The following ATF7IP2 variants were observed in gnomAD, a reference collection of about 807,000 sequenced individuals.
ATF7IP2 encodes the protein activating transcription factor 7 interacting protein 2.
Under a neutral mutation model 64.2 loss-of-function variants are expected in ATF7IP2, and 42 were observed. That is an observed-to-expected ratio of 0.65 (90% CI 0.51 to 0.85). The LOEUF (loss-of-function observed/expected upper bound fraction) is 0.85, where lower values mean the gene tolerates loss of function less well. Ranked by LOEUF, ATF7IP2 falls within the 40% of genes least tolerant of loss-of-function variation. The pLI is 0.00. For synonymous variants in ATF7IP2, 308 were observed against 272.8 expected (o/e 1.13, Z -1.27); for missense variants, 933 against 784.2 (o/e 1.19, Z -2.27).
chr16:10,466,382 G>C (rs910569569), intron 9 of ATF7IP2, among the ~76,000 whole-genome samples: 1 of 152,108 alleles, frequency 6.6e-6, no homozygotes, highest in Non-Finnish European at 1.5e-5. Flanking sequence ...ACTTCTGTTG[G>C]ACATATGCCT....
intron 9 of ATF7IP2, among the ~76,000 whole-genome samples, chr16:10,471,689 T>G (rs921246432): frequency 2.0e-5 from 3 of 152,162 alleles, no homozygotes; most frequent in African/African-American, 7.2e-5. Context: ...TTAAAATAAT[T>G]TTCTTTGTTA....
intron 8 of ATF7IP2, among the ~76,000 whole-genome samples, chr16:10,443,164 C>G (rs567821891): frequency 1.3e-5 from 2 of 152,136 alleles, no homozygotes; most frequent in Non-Finnish European, 2.9e-5. Flanking sequence ...CACATCCACT[C>G]GAGGATGAGT....
intron 1 of ATF7IP2, among the ~76,000 whole-genome samples, chr16:10,406,137 A>G (rs1168036367): frequency 6.6e-6 from 1 of 151,930 alleles, no homozygotes; most frequent in Non-Finnish European, 1.5e-5. Context: ...AGAATATTTT[A>G]CTCTGTCACT....
chr16:10,402,418 T>G (rs2047553241), intron 1 of ATF7IP2, among the ~76,000 whole-genome samples: 3 of 152,210 alleles, frequency 2.0e-5, no homozygotes, highest in African/African-American at 7.2e-5. Flanking sequence ...CTAGTTTTAT[T>G]CTGCTGTGGT....
At chr16:10,473,860 A>G in intron 11 of ATF7IP2, 63 bp from the exon 12 acceptor site, 4 of 1,116,732 alleles carry the variant, frequency 3.6e-6, no homozygotes, top group Non-Finnish European at 5.1e-6. Flanking sequence ...ATGGTTTTAA[A>G]TTTTTAAAAA....
At chr16:10,469,355 G>A (rs2049702370) in intron 9 of ATF7IP2, among the ~76,000 whole-genome samples, 2 of 152,102 alleles carry the variant, frequency 1.3e-5, no homozygotes, top group African/African-American at 2.4e-5. Context: ...CATTATTGGA[G>A]TATCACTAAG....
chr16:10,389,629 CAG>C (rs1268674639), intron 1 of ATF7IP2, among the ~76,000 whole-genome samples: 3 of 152,034 alleles, frequency 2.0e-5, no homozygotes, highest in Non-Finnish European at 2.9e-5. Context: ...ACTCAAGAAA[CAG>C]TATGAAAATA....
chr16:10,451,358 G>C (rs1044538239), intron 8 of ATF7IP2, among the ~76,000 whole-genome samples: 1 of 152,042 alleles, frequency 6.6e-6, no homozygotes, highest in East Asian at 1.9e-4. Flanking sequence ...TTGAATGTTG[G>C]CCTGTCTTGC....
rs6497991 is a variant in ATF7IP2, at chr16:10,428,955, T to G, written c.-72T>G. On this transcript the variant is annotated 5_prime_UTR_variant, in exon 4 of 14. Coordinates refer to ENST00000562102, the MANE Select transcript of ATF7IP2 (RefSeq NM_001393719.1). ...GTGGTGCAATCACAGATCACGGCAG[T>G]GTCTAATTCCTGGGCTCAAGTGAAC... The G allele has an allele frequency of 0.58, 87,332 of 151,560 alleles. 25,411 individuals are homozygous for G. Among genetic ancestry groups the G allele is most frequent in the East Asian group, 0.69 (3,565 of 5,138 alleles). 9.4% of individuals were successfully genotyped at this position (151,560 alleles called of 1,614,324 possible). A position where few individuals can be genotyped will look rare whatever the true frequency, so the allele number is the denominator to read the frequency against.
rs1024967683 is a variant in ATF7IP2, at chr16:10,395,956, G to A, written c.-242+9834G>A. Among the ~76,000 whole-genome samples the A allele has an allele frequency of 5.9e-5, 9 of 151,564 alleles. No individual in the cohort carries two copies. In the East Asian group the frequency reaches 1.2e-3, roughly 20 times the overall value. On this transcript the variant is annotated intron_variant, in intron 1 of 13. Transcript: ENST00000562102. ...TTTTTTTTCAAATAATAAAAGCATC[G>A]AAATTGGAAAGGGAGAAGTAAAATA...
At chr16:10,452,371 C>G (rs1294260273) in intron 8 of ATF7IP2, among the ~76,000 whole-genome samples, 3 of 152,176 alleles carry the variant, frequency 2.0e-5, no homozygotes, top group Non-Finnish European at 4.4e-5. Flanking sequence ...TGTCAGGCCC[C>G]TGTGGTGCAG....
At chr16:10,473,896 T>C (rs1486430707) in intron 11 of ATF7IP2, 27 bp from the exon 12 acceptor site, 1 of 968,904 alleles carries the variant, frequency 1.0e-6, no homozygotes, top group Non-Finnish European at 1.4e-6. Flanking sequence ...AGGCAAAGCT[T>C]TTTTTTTTTT....
chr16:10,452,847 C>T (rs1262625158), intron 8 of ATF7IP2, among the ~76,000 whole-genome samples: 4 of 152,156 alleles, frequency 2.6e-5, no homozygotes, highest in African/African-American at 9.7e-5. Flanking sequence ...GTGGGCTCGG[C>T]CCAGTTCAAA....
chr16:10,389,299 T>G (rs138103768), intron 1 of ATF7IP2, among the ~76,000 whole-genome samples: 1 of 152,290 alleles, frequency 6.6e-6, no homozygotes, highest in Non-Finnish European at 1.5e-5. Flanking sequence ...AATATTGATT[T>G]AACTGAAAAT....
At chr16:10,477,329 G>A (rs943620080) in intron 12 of ATF7IP2, among the ~76,000 whole-genome samples, 7 of 152,208 alleles carry the variant, frequency 4.6e-5, no homozygotes, top group Non-Finnish European at 1.0e-4. Context: ...TCCCAGGGAT[G>A]AAGCCCACTT....
At chr16:10,441,640 A>G (rs2048626539) in intron 8 of ATF7IP2, among the ~76,000 whole-genome samples, 1 of 152,180 alleles carries the variant, frequency 6.6e-6, no homozygotes, top group Non-Finnish European at 1.5e-5. Flanking sequence ...GATTCTGGAC[A>G]TTAGCCCTTT....
intron 2 of ATF7IP2, among the ~76,000 whole-genome samples, chr16:10,417,409 C>A (rs2047900579): frequency 6.6e-6 from 1 of 151,930 alleles, no homozygotes; most frequent in African/African-American, 2.4e-5. Context: ...CAATGGAAAC[C>A]AAAATTGAGC....
intron 12 of ATF7IP2, among the ~76,000 whole-genome samples, chr16:10,475,576 C>T (rs545494783): frequency 1.4e-3 from 219 of 151,264 alleles, no homozygotes; most frequent in Non-Finnish European, 2.3e-3. Context: ...ACCTGTAGTC[C>T]CAGCTACTCG....
At chr16:10,418,978 G>A (rs970394474) in intron 2 of ATF7IP2, among the ~76,000 whole-genome samples, 1 of 152,198 alleles carries the variant, frequency 6.6e-6, no homozygotes, top group South Asian at 2.1e-4. Context: ...TACAATTTGT[G>A]CTAAACATCC....
Sources: gnomAD v4.1 joint callset for allele counts (sites outside exome capture counted in the v4.1 genomes callset) on GRCh38, gnomAD v4.1.1 for gene constraint, MANE v1.5 for transcripts, NCBI Gene and HGNC (gene_info 2026-07-23, HGNC 2026-07-21) for gene names.